The following GRIN2A variants were observed in gnomAD, a reference collection of about 807,000 sequenced individuals.
The protein encoded by GRIN2A is glutamate receptor ionotropic, NMDA 2A.
A neutral mutation model predicts 113.4 loss-of-function variants in GRIN2A; 22 were observed. The observed-to-expected ratio is 0.19, with a 90% CI of 0.14 to 0.28. The LOEUF (loss-of-function observed/expected upper bound fraction) is 0.28. Among genes scored for constraint, GRIN2A ranks in the 10% least tolerant of loss-of-function variants. The pLI, the probability that GRIN2A is intolerant of heterozygous loss-of-function variation, is 1.00. For synonymous variants in GRIN2A, 827 were observed against 738.4 expected (o/e 1.12, Z -1.94); for missense variants, 1,502 against 1,887.0 (o/e 0.80, Z 3.78).
At chr16:10,051,442 T>A (rs1002780142) in intron 2 of GRIN2A, among the ~76,000 whole-genome samples, 1 of 152,130 alleles carries the variant, frequency 6.6e-6, no homozygotes, top group African/African-American at 2.4e-5. Context: ...CACAGGAGTA[T>A]CCCCAGAGCC....
intron 3 of GRIN2A, among the ~76,000 whole-genome samples, chr16:9,897,918 A>G (rs1413309730): frequency 6.6e-6 from 1 of 152,204 alleles, no homozygotes; most frequent in Non-Finnish European, 1.5e-5. Context: ...GAACATGTGC[A>G]GAATGAATAA....
At chr16:9,859,378 G>C (rs1159517693) in intron 4 of GRIN2A, among the ~76,000 whole-genome samples, 1 of 152,074 alleles carries the variant, frequency 6.6e-6, no homozygotes, top group East Asian at 1.9e-4. Flanking sequence ...TAAGTGTCCA[G>C]TGAATGTCAG....
At chr16:10,082,946 T>TC (rs397799276) in intron 2 of GRIN2A, among the ~76,000 whole-genome samples, 2 of 149,918 alleles carry the variant, frequency 1.3e-5, no homozygotes, top group East Asian at 2.0e-4. Context: ...CCTGTCATTC[T>TC]TTTTTAAAAT....
rs117363074 is a variant in GRIN2A at position 9,941,143 on chromosome 16, C to T, written c.415-2592G>A. On this transcript the variant is annotated intron_variant, in intron 2 of 12. Transcript: ENST00000330684. ...TACAGAAAGCTCTCAACAAGACACA[C>T]GCTAAAGGCACCATTGGAACCTAAT... Among the ~76,000 whole-genome samples, 92 of 152,276 alleles carry T rather than the reference C, an allele frequency of 6.0e-4. No individual in the cohort carries two copies. The South Asian group carries it at 0.01, about 17-fold the overall frequency.
intron 5 of GRIN2A, among the ~76,000 whole-genome samples, chr16:9,847,343 G>A (rs887431833): frequency 6.7e-6 from 1 of 148,948 alleles, no homozygotes; most frequent in Non-Finnish European, 1.5e-5. Flanking sequence ...GATCACTTAA[G>A]GCCAGGAGCT....
chr16:10,066,637 C>G (rs1411195691), intron 2 of GRIN2A, among the ~76,000 whole-genome samples: 1 of 152,190 alleles, frequency 6.6e-6, no homozygotes, highest in African/African-American at 2.4e-5. Flanking sequence ...ATCTATCACT[C>G]TGAGACCTTA....
chr16:10,103,016 A>C (rs2048429594), intron 2 of GRIN2A, among the ~76,000 whole-genome samples: 1 of 152,174 alleles, frequency 6.6e-6, no homozygotes, highest in Non-Finnish European at 1.5e-5. Flanking sequence ...AGGCACTGGG[A>C]CGAAAAGAAT....
chr16:9,876,120 T>G (rs2043360481), intron 4 of GRIN2A, among the ~76,000 whole-genome samples: 1 of 152,100 alleles, frequency 6.6e-6, no homozygotes, highest in South Asian at 2.1e-4. Context: ...CACCACAATC[T>G]AAGCCCAGGG....
At chr16:9,803,475 G>C (rs1378093980) in intron 10 of GRIN2A, among the ~76,000 whole-genome samples, 1 of 151,976 alleles carries the variant, frequency 6.6e-6, no homozygotes, top group Non-Finnish European at 1.5e-5. Context: ...AGGGCTGCTG[G>C]GAATAAAGTG....
intron 4 of GRIN2A, among the ~76,000 whole-genome samples, chr16:9,879,276 GAAAGA>G (rs2043432001): frequency 2.0e-5 from 3 of 152,234 alleles, no homozygotes; most frequent in South Asian, 4.2e-4. Context: ...TTTGGGAGAA[GAAAGA>G]AAAGAAGAGA....
intron 2 of GRIN2A, among the ~76,000 whole-genome samples, chr16:10,111,024 C>T (rs1446756221): frequency 6.6e-6 from 1 of 152,110 alleles, no homozygotes; most frequent in Non-Finnish European, 1.5e-5. Flanking sequence ...TATATCAGCT[C>T]GACCAATTAA....
At chr16:9,932,552 T>TG (rs2044619878) in intron 3 of GRIN2A, among the ~76,000 whole-genome samples, 1 of 142,844 alleles carries the variant, frequency 7.0e-6, no homozygotes, top group Admixed American at 6.9e-5. Context: ...AAGTTTGTAT[T>TG]TTTTTTTTTT....
In GRIN2A at chr16:9,761,292, C is replaced by T. The variant is rs1041978680; in HGVS notation, c.*1857G>A. 23 of 229,306 alleles carry T rather than the reference C, an allele frequency of 1.0e-4. No individual in the cohort carries two copies. Among genetic ancestry groups the T allele is most frequent in the South Asian group, 3.6e-4 (2 of 5,500 alleles). 14.2% of individuals were successfully genotyped at this position (229,306 alleles called of 1,614,324 possible). A position where few individuals can be genotyped will look rare whatever the true frequency, so the allele number is the denominator to read the frequency against. On this transcript the variant is annotated 3_prime_UTR_variant, in exon 13 of 13. Coordinates refer to ENST00000330684, the MANE Select transcript of GRIN2A (RefSeq NM_001134407.3). ...AGAAAATAATACTTACAAAACAGAA[C>T]GCACACCATGAGGAGAAGAAATGGG...
intron 9 of GRIN2A, among the ~76,000 whole-genome samples, chr16:9,828,344 A>T (rs956173486): frequency 4.6e-5 from 7 of 152,194 alleles, no homozygotes; most frequent in Non-Finnish European, 1.0e-4. Context: ...AAATGACTCC[A>T]TCTTTAACCC....
At chr16:9,846,862 C>T (rs2042781769) in intron 5 of GRIN2A, among the ~76,000 whole-genome samples, 1 of 152,164 alleles carries the variant, frequency 6.6e-6, no homozygotes, top group African/African-American at 2.4e-5. Context: ...CTGTGAGTCT[C>T]CTGTGAGGTG....
At chr16:10,097,562 C>A (rs1373591059) in intron 2 of GRIN2A, among the ~76,000 whole-genome samples, 1 of 152,174 alleles carries the variant, frequency 6.6e-6, no homozygotes, top group Non-Finnish European at 1.5e-5. Flanking sequence ...CCTAAGCCTT[C>A]CTGAAACCCA....
chr16:9,924,883 T>C (rs2044426955), intron 3 of GRIN2A, among the ~76,000 whole-genome samples: 1 of 152,238 alleles, frequency 6.6e-6, no homozygotes, highest in Non-Finnish European at 1.5e-5. Flanking sequence ...AAAAACATTC[T>C]CTATGTCTCC....
At chr16:10,048,783 C>T (rs1278987673) in intron 2 of GRIN2A, among the ~76,000 whole-genome samples, 1 of 152,106 alleles carries the variant, frequency 6.6e-6, no homozygotes, top group Non-Finnish European at 1.5e-5. Flanking sequence ...CAAAATGTCT[C>T]AACCCATAAA....
intron 2 of GRIN2A, among the ~76,000 whole-genome samples, chr16:10,009,969 G>A (rs2046476115): frequency 6.6e-6 from 1 of 152,206 alleles, no homozygotes; most frequent in African/African-American, 2.4e-5. Context: ...TAAAGATGCT[G>A]GCACAGCGTT....
Sources: gnomAD v4.1 joint callset for allele counts (sites outside exome capture counted in the v4.1 genomes callset) on GRCh38, gnomAD v4.1.1 for gene constraint, MANE v1.5 for transcripts, NCBI Gene and HGNC (gene_info 2026-07-23, HGNC 2026-07-21) for gene names.